CROCC2: variants seen among roughly 807,000 people sequenced by gnomAD.
CROCC2 encodes the protein ciliary rootlet coiled-coil protein 2.
Under a neutral mutation model 177.6 loss-of-function variants are expected in CROCC2, and 163 were observed. That is an observed-to-expected ratio of 0.92 (90% CI 0.81 to 1.05). The LOEUF (loss-of-function observed/expected upper bound fraction) is 1.05, where lower values mean the gene tolerates loss of function less well. Ranked by LOEUF, CROCC2 falls within the 50% of genes least tolerant of loss-of-function variation. The probability of loss-of-function intolerance (pLI) is 0.00; values close to 1 mark genes in which losing one functional copy is unlikely to be tolerated. For synonymous variants in CROCC2, 904 were observed against 787.3 expected (o/e 1.15, Z -2.48); for missense variants, 1,929 against 1,797.8 (o/e 1.07, Z -1.32).
chr2:240,974,540 T>TC (rs961282543), intron 27 of CROCC2, among the ~76,000 whole-genome samples: 15 of 148,320 alleles, frequency 1.0e-4, no homozygotes, highest in Non-Finnish European at 1.2e-4. Context: ...TTTTCTTTTT[T>TC]TTTTTTTTTT....
Position 240,933,245 on chromosome 2 carries a change from C to G in CROCC2, c.1366C>G (p.Arg456Gly), listed in dbSNP as rs572265784. Reference sequence around the variant, plus strand: ...ACAGAAGCTCCAGCAGGAGCGGGCTCGGGAGCAGGCACGGGAACGAGAGGC... The same window carrying G: ...ACAGAAGCTCCAGCAGGAGCGGGCTGGGGAGCAGGCACGGGAACGAGAGGC... ...AAQKLQQERA[R>G]EQAREREALR... Residue 456 changes from arginine (R) to glycine (G), a missense_variant, in exon 10 of 32, where the codon CGG (arginine) becomes GGG (glycine). Arg to Gly is a moderately radical substitution (Grantham distance 125, BLOSUM62 -2). Around this residue, in one of 3 missense-constraint regions of CROCC2, gnomAD observed 1,397 missense variants for 1,239.9 expected, o/e 1.13. Coordinates refer to ENST00000690015, the MANE Select transcript of CROCC2 (RefSeq NM_001351305.2). 6.5e-7 allele frequency: 1 copy of G among 1,549,184 alleles called. No individual in the cohort carries two copies. Among genetic ancestry groups the G allele is most frequent in the Admixed American group, 2.0e-5 (1 of 50,982 alleles).
chr2:240,914,568 G>A (rs773638791), intron 1 of CROCC2, among the ~76,000 whole-genome samples: 8 of 152,220 alleles, frequency 5.3e-5, no homozygotes, highest in Admixed American at 1.3e-4. Flanking sequence ...GGAGCTCAGG[G>A]AAGGGACCCT....
At chr2:240,957,607 G>A (rs1366918107) in intron 19 of CROCC2, 2 of 152,270 alleles carry the variant, frequency 1.3e-5, no homozygotes, top group Admixed American at 6.5e-5. Context: ...ACTGCGCAGC[G>A]GGAGAGGGCG....
In CROCC2 at chr2:240,989,823, TG is replaced by T. The variant is rs1234936607; in HGVS notation, c.4855del (p.Glu1619LysfsTer7). On this transcript the variant is annotated frameshift_variant, in exon 30 of 32. Coordinates refer to ENST00000690015, the MANE Select transcript of CROCC2 (RefSeq NM_001351305.2). LOFTEE classifies it high-confidence loss of function. ...EWTHQQQVKV[L>X]EEQVASLKEQ... ...ACCCACCAGCAGCAGGTAAAGGTGCTGGAAGAGCAGGTAAGGTCGGGACCCC... is the reference window on the plus strand; with the variant it reads ...ACCCACCAGCAGCAGGTAAAGGTGCTGAAGAGCAGGTAAGGTCGGGACCCC... The T allele has an allele frequency of 2.6e-6, 4 of 1,542,206 alleles. No individual in the cohort carries two copies. The African/African-American group carries it at 5.5e-5, about 21-fold the overall frequency.
In CROCC2 at chr2:240,958,131, G is replaced by C; in HGVS notation, c.2944-1170G>C. 2 of 985,448 alleles carry C rather than the reference G, an allele frequency of 2.0e-6. No individual in the cohort carries two copies. Among genetic ancestry groups the C allele is most frequent in the African/African-American group, 1.7e-5 (1 of 57,358 alleles). 61.0% of individuals were successfully genotyped at this position (985,448 alleles called of 1,614,324 possible). A position where few individuals can be genotyped will look rare whatever the true frequency, so the allele number is the denominator to read the frequency against. The stretch of plus-strand genomic sequence containing the variant: ...ATGGAAATTAAAACTGTTGAGAGGA[G>C]CGGGAGGAGAGGAATGCCGGCCAAG... On this transcript the variant is annotated intron_variant, in intron 19 of 31. Transcript: ENST00000690015. The surrounding 1 kb of genome is among the most constrained non-coding windows in gnomAD (Gnocchi z 6.7).
rs1207761703 is a variant in CROCC2, at chr2:240,973,776, G to T, written c.4401+5514G>T. Among the ~76,000 whole-genome samples the T allele has an allele frequency of 2.0e-5, 3 of 152,172 alleles. No individual in the cohort carries two copies. Among genetic ancestry groups the T allele is most frequent in the African/African-American group, 7.2e-5 (3 of 41,438 alleles). ...TTTTTGCATCTGTAATTCCTTTATG[G>T]TGACATAGTTTTCAGATTTATTTGT... is the stretch of plus-strand genomic sequence containing the variant. On this transcript the variant is annotated intron_variant, in intron 27 of 31. Transcript: ENST00000690015. The surrounding 1 kb of genome is among the most constrained non-coding windows in gnomAD (Gnocchi z 4.7).
At chr2:240,956,411 G>A in intron 19 of CROCC2, 1 of 174,590 alleles carries the variant, frequency 5.7e-6, no homozygotes. Context: ...GAGGCGGCTG[G>A]CCCTGCACCA....
chr2:240,985,943 G>A (rs2059838309), intron 28 of CROCC2: 1 of 456,568 alleles, frequency 2.2e-6, no homozygotes, highest in Non-Finnish European at 4.4e-6. Context: ...AGCCCACGGG[G>A]TGGCCTCACA....
In CROCC2 at chr2:240,933,343, G is replaced by A; in HGVS notation, c.1463+1G>A. The A allele has an allele frequency of 6.6e-7, 1 of 1,512,740 alleles. No individual in the cohort carries two copies. The highest frequency in any genetic ancestry group is 8.8e-7 in the Non-Finnish European group (1 of 1,133,474). The allele number at this position is 1,512,740 out of a possible 1,614,324, so 93.7% of individuals were successfully genotyped here. The stretch of plus-strand genomic sequence containing the variant: ...GGGCATCCTGCAAGCTCCTGGGGAG[G>A]TAATGGGGTGAAGGGGTTGCACGGC... On this transcript the variant is annotated splice_donor_variant, in intron 10 of 31. Transcript: ENST00000690015. LOFTEE classifies it high-confidence loss of function.
intron 28 of CROCC2, 145 bp from the exon 29 acceptor site, chr2:240,988,594 C>T (rs953024434): frequency 4.9e-6 from 4 of 819,650 alleles, no homozygotes. Flanking sequence ...GGTCCTGGCC[C>T]AGGGCAGTGC....
intron 20 of CROCC2, among the ~76,000 whole-genome samples, chr2:240,962,695 C>T (rs1242202044): frequency 2.6e-5 from 4 of 152,210 alleles, no homozygotes; most frequent in Admixed American, 6.5e-5. Context: ...TGGCTACCTC[C>T]GCCTCCTCCT....
chr2:240,919,069 GGCCCGGGGCTGGGC>G (rs1208153197), intron 2 of CROCC2, among the ~76,000 whole-genome samples, 193 bp downstream of exon 2: 2 of 141,558 alleles, frequency 1.4e-5, no homozygotes, highest in Non-Finnish European at 3.1e-5. Flanking sequence ...GACGGTCCTG[GGCCCGGGGCTGGGC>G]AAGGTGATGG....
rs2059541100 is a variant in CROCC2, at chr2:240,949,529, A to G, written c.2483-4A>G. On this transcript the variant is annotated splice_polypyrimidine_tract_variant and splice_region_variant and intron_variant, in intron 16 of 31. Transcript: ENST00000690015. This position sits in a 1 kb window ranked among gnomAD's most constrained non-coding sequence, Gnocchi z 4.5. The stretch of plus-strand genomic sequence containing the variant: ...CCTGGTGCATCTCACCCATCACCCC[A>G]CAGTGGAAATGGAGCAGCTACAAAG... 6.5e-7 allele frequency: 1 copy of G among 1,549,870 alleles called. No homozygotes were observed. The highest frequency in any genetic ancestry group is 1.4e-5 in the African/African-American group (1 of 73,006).
chr2:240,934,533 C>A (rs916457617), intron 12 of CROCC2, 58 bp downstream of exon 12: 16 of 1,426,048 alleles, frequency 1.1e-5, no homozygotes, highest in Non-Finnish European at 1.5e-5. Flanking sequence ...CCCACCCTGG[C>A]CTCACTGACC....
At chr2:240,988,664 G>A in intron 28 of CROCC2, 75 bp from the exon 29 acceptor site, 1 of 1,279,384 alleles carries the variant, frequency 7.8e-7, no homozygotes, top group Non-Finnish European at 1.0e-6. Context: ...GCAACCCTGT[G>A]CTCCCAGAGG....
chr2:240,956,074 T>A, intron 19 of CROCC2, 102 bp downstream of exon 19: 1 of 802,386 alleles, frequency 1.2e-6, no homozygotes. Flanking sequence ...ACCCTCTCCA[T>A]CCCCTCCCTT....
chr2:240,915,142 A>G (rs1156664507), intron 1 of CROCC2, among the ~76,000 whole-genome samples: 2 of 151,942 alleles, frequency 1.3e-5, no homozygotes, highest in Non-Finnish European at 1.5e-5. Context: ...CAGTTTCCCC[A>G]TCTGCAGCAT....
At chr2:240,975,728 T>A (rs2059756679) in intron 27 of CROCC2, among the ~76,000 whole-genome samples, 1 of 142,638 alleles carries the variant, frequency 7.0e-6, no homozygotes, top group Non-Finnish European at 1.5e-5. Flanking sequence ...GCTTTTTTTT[T>A]TTTTTTTTTT....
In CROCC2 at chr2:240,953,190, A is replaced by T. The variant is rs563879045; in HGVS notation, c.2830-2669A>T. 6.6e-6 allele frequency among the ~76,000 whole-genome samples: 1 copy of T among 152,244 alleles called. No individual in the cohort carries two copies. The highest frequency in any genetic ancestry group is 6.5e-5 in the Admixed American group (1 of 15,294). On this transcript the variant is annotated intron_variant, in intron 18 of 31. Transcript: ENST00000690015. This position sits in a 1 kb window ranked among gnomAD's most constrained non-coding sequence, Gnocchi z 4.0. ...TTTGGGAGGCCAAAGCCAGCAGATC[A>T]TCTGAGGTCAGGAGTTCAAGACCAG...
Sources: allele counts gnomAD v4.1 joint callset (sites outside exome capture counted in the v4.1 genomes callset), GRCh38; gene constraint gnomAD v4.1.1; regional missense constraint gnomAD v4.1.1; non-coding constraint Gnocchi (gnomAD v3.1); transcripts MANE v1.5; gene names NCBI Gene and HGNC (gene_info 2026-07-23, HGNC 2026-07-21).